Variants in ABCC4 observed in about 807,000 individuals in gnomAD.
ABCC4 encodes ATP binding cassette subfamily C member 4 (PEL blood group), also known as ATP-binding cassette sub-family C member 4.
ABCC4 carries 102 observed loss-of-function variants against 168.5 expected under a neutral mutation model. That is an observed-to-expected ratio of 0.61 (90% CI 0.52 to 0.71). The LOEUF is 0.71. Ranked by LOEUF, ABCC4 falls within the 30% of genes least tolerant of loss-of-function variation. The probability of loss-of-function intolerance (pLI) is 0.00; values close to 1 mark genes in which losing one functional copy is unlikely to be tolerated. For synonymous variants in ABCC4, 617 were observed against 590.7 expected (o/e 1.04, Z -0.65); for missense variants, 1,402 against 1,605.8 (o/e 0.87, Z 2.17).
chr13:95,093,671 T>C (rs545375044), intron 20 of ABCC4, among the ~76,000 whole-genome samples: 8 of 152,188 alleles, frequency 5.3e-5, no homozygotes, highest in African/African-American at 1.7e-4. Flanking sequence ...CTCTTCAACA[T>C]AGTACTGGAA....
intron 23 of ABCC4, among the ~76,000 whole-genome samples, chr13:95,073,909 CA>C (rs1465608921): frequency 6.6e-6 from 1 of 152,150 alleles, no homozygotes; most frequent in African/African-American, 2.4e-5. Context: ...CTAAGTTGGA[CA>C]AAATGCTTCA....
At chr13:95,167,292 T>TC (rs1197163582) in intron 14 of ABCC4, among the ~76,000 whole-genome samples, 2 of 152,204 alleles carry the variant, frequency 1.3e-5, no homozygotes, top group Non-Finnish European at 1.5e-5. Flanking sequence ...TGCACAGTTT[T>TC]CTCTCCTTAC....
chr13:95,218,531 GA>G (rs1472537021), intron 4 of ABCC4, among the ~76,000 whole-genome samples: 1 of 152,112 alleles, frequency 6.6e-6, no homozygotes, highest in Non-Finnish European at 1.5e-5. Flanking sequence ...TTCATGGCTG[GA>G]ATACAAGCCT....
chr13:95,084,546 T>C (rs996928888), intron 20 of ABCC4, among the ~76,000 whole-genome samples: 2 of 152,232 alleles, frequency 1.3e-5, no homozygotes, highest in African/African-American at 4.8e-5. Context: ...AATTTTATAT[T>C]GTCAGAAATT....
intron 1 of ABCC4, among the ~76,000 whole-genome samples, chr13:95,280,402 G>A (rs370513324): frequency 7.7e-6 from 1 of 129,726 alleles, no homozygotes; most frequent in African/African-American, 2.9e-5. Context: ...GGGTGACAGA[G>A]TGAGACTCCA....
chr13:95,209,501 C>T lies in ABCC4; in HGVS notation c.718G>A (p.Gly240Arg), dbSNP rs1294763544. The T allele has an allele frequency of 1.9e-6, 3 of 1,614,100 alleles. No individual in the cohort carries two copies. Among genetic ancestry groups the T allele is most frequent in the African/African-American group, 2.7e-5 (2 of 74,942 alleles). ...WMEIGISCLAGMAVLIILLPL... is the reference protein window; with the variant it reads ...WMEIGISCLARMAVLIILLPL... Reference sequence around the variant, plus strand: ...AGGAGAATGATTAGAACTGCCATCCCAGCAAGGCACGATATTCCTATCTCC... The same window carrying T: ...AGGAGAATGATTAGAACTGCCATCCTAGCAAGGCACGATATTCCTATCTCC... Residue 240 changes from glycine (G) to arginine (R), a missense_variant, in exon 6 of 31, where the codon GGG becomes AGG. By Grantham distance (125) the Gly-to-Arg change is moderately radical (BLOSUM62 -2). This residue lies in a region of ABCC4 where 317 missense variants were observed against 345.5 expected (regional missense o/e 0.92). Transcript: ENST00000645237.
chr13:95,025,860 C>G (rs543315722), intron 30 of ABCC4, among the ~76,000 whole-genome samples: 1 of 152,190 alleles, frequency 6.6e-6, no homozygotes, highest in African/African-American at 2.4e-5. Context: ...GGCAGAGCAA[C>G]AGAAGATGCT....
intron 20 of ABCC4, among the ~76,000 whole-genome samples, chr13:95,089,412 G>A (rs755033246): frequency 6.6e-6 from 1 of 152,140 alleles, no homozygotes; most frequent in Non-Finnish European, 1.5e-5. Flanking sequence ...AAGGTCAGGA[G>A]TTTGAGACCA....
At chr13:95,143,261 A>G (rs1274422264) in intron 19 of ABCC4, among the ~76,000 whole-genome samples, 1 of 152,102 alleles carries the variant, frequency 6.6e-6, no homozygotes, top group Admixed American at 6.6e-5. Context: ...CAAGCTTGAA[A>G]GGCACTTGGC....
intron 19 of ABCC4, among the ~76,000 whole-genome samples, chr13:95,127,555 G>A (rs2035823660): frequency 6.6e-6 from 1 of 152,188 alleles, no homozygotes; most frequent in Non-Finnish European, 1.5e-5. Context: ...TGGGATTACA[G>A]GTGTGAGCCA....
chr13:95,072,746 A>T (rs2033774755), intron 24 of ABCC4, among the ~76,000 whole-genome samples: 1 of 152,242 alleles, frequency 6.6e-6, no homozygotes, highest in Non-Finnish European at 1.5e-5. Context: ...AGCAAAGTTA[A>T]GGCCTTCCTC....
At chr13:95,172,127 T>C (rs754200324) in intron 13 of ABCC4, among the ~76,000 whole-genome samples, 43 of 152,348 alleles carry the variant, frequency 2.8e-4, no homozygotes, top group Non-Finnish European at 6.0e-4. Context: ...AACATTGTAA[T>C]TGATGGCTTG....
At chr13:95,170,510 G>A (rs774568801) in intron 14 of ABCC4, 22 bp downstream of exon 14, 3 of 1,533,340 alleles carry the variant, frequency 2.0e-6, no homozygotes, top group Admixed American at 1.8e-5. Flanking sequence ...GCAAGTTCGG[G>A]AGACCTCTAG....
In ABCC4 at chr13:95,218,959, AAGAAAG is replaced by A. The variant is rs925302165; in HGVS notation, c.532-8184_532-8179del. On this transcript the variant is annotated intron_variant, in intron 4 of 30. Transcript: ENST00000645237. ...AAAGAAAGAAAGAAAGAAAGAAAGA[AAGAAAG>A]AAAGAAAGAAAGAAAGAAAGAGTGA... is the stretch of plus-strand genomic sequence containing the variant. Among the ~76,000 whole-genome samples the A allele has an allele frequency of 5.1e-5, 2 of 39,490 alleles. 1 individual carries two copies. Among genetic ancestry groups the A allele is most frequent in the African/African-American group, 2.8e-4 (2 of 7,216 alleles). The allele number at this position is 39,490 out of a possible 152,430, so 25.9% of individuals were successfully genotyped here.
intron 21 of ABCC4, among the ~76,000 whole-genome samples, chr13:95,079,941 A>G (rs1020508937): frequency 6.6e-6 from 1 of 152,246 alleles, no homozygotes. Flanking sequence ...TTTATTTCCA[A>G]GGCTGTGCTT....
At chr13:95,127,052 A>T (rs957724456) in intron 19 of ABCC4, among the ~76,000 whole-genome samples, 2 of 151,936 alleles carry the variant, frequency 1.3e-5, no homozygotes, top group Admixed American at 1.3e-4. Context: ...ATTACCTCTT[A>T]GTCAAACCAT....
chr13:95,208,026 C>A, intron 6 of ABCC4, 101 bp from the exon 7 acceptor site: 1 of 1,382,462 alleles, frequency 7.2e-7, no homozygotes, highest in Non-Finnish European at 9.9e-7. Context: ...TTCCCTACAG[C>A]GCTTTTGCTT....
chr13:95,162,519 C>T (rs1405929947), intron 18 of ABCC4, among the ~76,000 whole-genome samples: 3 of 152,108 alleles, frequency 2.0e-5, no homozygotes, highest in Non-Finnish European at 2.9e-5. Context: ...CAGTTGGGGA[C>T]GCGATAACAT....
At chr13:95,247,499 G>T in intron 2 of ABCC4, 144 bp downstream of exon 2, 1 of 649,436 alleles carries the variant, frequency 1.5e-6, no homozygotes, top group Non-Finnish European at 2.7e-6. Flanking sequence ...GGTAGGCTGA[G>T]CCTAGGGGCA....
Sources: allele counts gnomAD v4.1 joint callset (sites outside exome capture counted in the v4.1 genomes callset), GRCh38; gene constraint gnomAD v4.1.1; regional missense constraint gnomAD v4.1.1; transcripts MANE v1.5; gene names NCBI Gene and HGNC (gene_info 2026-07-23, HGNC 2026-07-21).